The following HCN1 variants were observed in gnomAD, a reference collection of about 807,000 sequenced individuals.
HCN1 encodes potassium/sodium hyperpolarization-activated cyclic nucleotide-gated channel 1.
HCN1 carries 13 observed loss-of-function variants against 78.9 expected under a neutral mutation model. That is an observed-to-expected ratio of 0.16 (90% CI 0.11 to 0.26). The LOEUF is 0.26. Among genes scored for constraint, HCN1 ranks in the 10% least tolerant of loss-of-function variants. HCN1 has a pLI of 1.00. For synonymous variants in HCN1, 552 were observed against 455.5 expected, an observed-to-expected ratio of 1.21 and a Z score of -2.70; for missense variants, 810 against 1,154.3, an observed-to-expected ratio of 0.70 and a Z score of 4.32.
intron 3 of HCN1, among the ~76,000 whole-genome samples, chr5:45,456,768 C>G (rs1741036412): frequency 6.6e-6 from 1 of 151,972 alleles, no homozygotes. Flanking sequence ...TGATTTTATA[C>G]AGTATTCTAC....
chr5:45,293,336 C>T (rs1020903411), intron 6 of HCN1, among the ~76,000 whole-genome samples: 1 of 151,898 alleles, frequency 6.6e-6, no homozygotes, highest in East Asian at 2.0e-4. Flanking sequence ...ATTTGCCTTT[C>T]TTTAATGATC....
chr5:45,622,887 C>G (rs1461318026), intron 2 of HCN1, among the ~76,000 whole-genome samples: 3 of 152,130 alleles, frequency 2.0e-5, no homozygotes, highest in Non-Finnish European at 4.4e-5. Context: ...AAGCAGGAGT[C>G]TGGTATTTAT....
At chr5:45,467,080 T>C (rs1391886183) in intron 2 of HCN1, among the ~76,000 whole-genome samples, 4 of 152,066 alleles carry the variant, frequency 2.6e-5, no homozygotes, top group African/African-American at 4.8e-5. Flanking sequence ...GATTCTTCTT[T>C]CCACTATTCC....
intron 2 of HCN1, chr5:45,575,730 A>G (rs1743927700): frequency 6.6e-6 from 1 of 152,118 alleles, no homozygotes. Flanking sequence ...TTCTTTCAAA[A>G]TATCACTGCT....
At chr5:45,276,896 G>A (rs901039321) in intron 6 of HCN1, among the ~76,000 whole-genome samples, 1 of 152,062 alleles carries the variant, frequency 6.6e-6, no homozygotes, top group Non-Finnish European at 1.5e-5. Flanking sequence ...AGGAACAGGA[G>A]GGGAGAGGAG....
intron 1 of HCN1, among the ~76,000 whole-genome samples, chr5:45,654,992 A>G (rs1745739656): frequency 6.6e-6 from 1 of 152,168 alleles, no homozygotes; most frequent in Non-Finnish European, 1.5e-5. Context: ...GATGTCAAAG[A>G]ATCTTTATGC....
At chr5:45,309,062 C>A (rs1745795881) in intron 5 of HCN1, among the ~76,000 whole-genome samples, 1 of 151,976 alleles carries the variant, frequency 6.6e-6, no homozygotes, top group Non-Finnish European at 1.5e-5. Flanking sequence ...TTTGTACTAT[C>A]CTTTTAGAGA....
intron 3 of HCN1, among the ~76,000 whole-genome samples, chr5:45,452,718 G>T (rs2111602347): frequency 6.6e-6 from 1 of 151,804 alleles, no homozygotes; most frequent in East Asian, 1.9e-4. Context: ...TGCTTACAGT[G>T]GTTGATACAT....
intron 2 of HCN1, among the ~76,000 whole-genome samples, chr5:45,569,869 T>C (rs1277763696): frequency 6.6e-6 from 1 of 152,046 alleles, no homozygotes; most frequent in Admixed American, 6.6e-5. Flanking sequence ...ATCCTATGAT[T>C]TGGTGCCAAG....
At chr5:45,389,625 T>C (rs1747999867) in intron 4 of HCN1, among the ~76,000 whole-genome samples, 1 of 152,172 alleles carries the variant, frequency 6.6e-6, no homozygotes. Flanking sequence ...CAAAATAGAT[T>C]ATTTGAAGCT....
intron 3 of HCN1, among the ~76,000 whole-genome samples, chr5:45,438,648 C>A (rs1283236627): frequency 6.6e-6 from 1 of 150,610 alleles, no homozygotes; most frequent in African/African-American, 2.4e-5. Flanking sequence ...ACAAAAACAA[C>A]AAAACACCTG....
At chr5:45,547,614 C>T (rs1447656166) in intron 2 of HCN1, among the ~76,000 whole-genome samples, 2 of 151,788 alleles carry the variant, frequency 1.3e-5, no homozygotes, top group African/African-American at 4.8e-5. Context: ...AAGTGCAGAA[C>T]AAATATCAAT....
chr5:45,416,594 AT>A (rs924209393), intron 3 of HCN1, among the ~76,000 whole-genome samples: 3 of 151,950 alleles, frequency 2.0e-5, no homozygotes, highest in African/African-American at 7.2e-5. Context: ...GTGCTTATAG[AT>A]TTGGTAAGAG....
At chr5:45,443,071 C>T (rs967313694) in intron 3 of HCN1, among the ~76,000 whole-genome samples, 4 of 151,890 alleles carry the variant, frequency 2.6e-5, no homozygotes, top group South Asian at 2.1e-4. Context: ...ATTTTGCCTT[C>T]GAAAGTTGGT....
intron 4 of HCN1, among the ~76,000 whole-genome samples, chr5:45,380,453 A>G (rs1319190246): frequency 6.6e-6 from 1 of 152,138 alleles, no homozygotes; most frequent in Non-Finnish European, 1.5e-5. Context: ...GCATATGTCT[A>G]GAAAACATTC....
rs1293979204 is a variant in HCN1, at chr5:45,262,528, T to C, written c.2066A>G (p.Gln689Arg). Reference protein sequence around the residue: ...HSPSPSTQTPQPSAILSPCSY... With the variant: ...HSPSPSTQTPRPSAILSPCSY... The stretch of plus-strand genomic sequence containing the variant: ...GCAGGGTGACAGGATGGCTGATGGC[T>C]GGGGGGTCTGTGTGCTGGGACTGGG... The change falls in exon 8 of 8, where the codon CAG (glutamine) becomes CGG (arginine). Residue 689 changes from glutamine (Q) to arginine (R), a missense_variant. Transcript: ENST00000303230. The C allele has an allele frequency of 6.2e-7, 1 of 1,612,100 alleles. No homozygotes were observed. The highest frequency in any genetic ancestry group is 1.3e-5 in the African/African-American group (1 of 74,322).
intron 3 of HCN1, among the ~76,000 whole-genome samples, chr5:45,400,570 T>A (rs566103974): frequency 6.6e-6 from 1 of 151,864 alleles, no homozygotes. Context: ...TTTGCATTTT[T>A]AGTAGAGACG....
In HCN1 at chr5:45,255,658, A is replaced by T. The variant is rs1744594223; in HGVS notation, c.*6263T>A. On this transcript the variant is annotated 3_prime_UTR_variant, in exon 8 of 8. Coordinates refer to ENST00000303230, the MANE Select transcript of HCN1 (RefSeq NM_021072.4). ...TTTAATTTTGAATGCTTGGAAACTA[A>T]GACCTTGAACAAATATGAGAAAGAA... 1 of 152,254 alleles carries T rather than the reference A, an allele frequency of 6.6e-6. No individual in the cohort carries two copies. The highest frequency in any genetic ancestry group is 2.1e-4 in the South Asian group (1 of 4,838). 9.4% of individuals were successfully genotyped at this position (152,254 alleles called of 1,614,324 possible).
intron 4 of HCN1, among the ~76,000 whole-genome samples, chr5:45,356,171 A>G (rs1747003787): frequency 6.6e-6 from 1 of 152,016 alleles, no homozygotes; most frequent in African/African-American, 2.4e-5. Context: ...ACTTTCTAAT[A>G]GTTGTAGTAA....
Sources: gnomAD v4.1 joint callset for allele counts (sites outside exome capture counted in the v4.1 genomes callset) on GRCh38, gnomAD v4.1.1 for gene constraint, MANE v1.5 for transcripts, NCBI Gene and HGNC (gene_info 2026-07-23, HGNC 2026-07-21) for gene names.